The following DOCK4 variants were observed in gnomAD, a reference collection of about 807,000 sequenced individuals.
DOCK4 encodes dedicator of cytokinesis protein 4.
A neutral mutation model predicts 268.1 loss-of-function variants in DOCK4; 97 were observed. That is an observed-to-expected ratio of 0.36 (90% CI 0.31 to 0.43). The LOEUF (loss-of-function observed/expected upper bound fraction) is 0.43. Among genes scored for constraint, DOCK4 ranks in the 20% least tolerant of loss-of-function variants. The pLI, the probability that DOCK4 is intolerant of heterozygous loss-of-function variation, is 1.00. For synonymous variants in DOCK4, 954 were observed against 887.2 expected (o/e 1.08, Z -1.34); for missense variants, 2,145 against 2,455.7 (o/e 0.87, Z 2.67).
At chr7:111,954,863 C>T (rs191045951) in intron 8 of DOCK4, among the ~76,000 whole-genome samples, 3 of 152,188 alleles carry the variant, frequency 2.0e-5, no homozygotes, top group East Asian at 1.9e-4. Context: ...CAAAGAGCCT[C>T]GCACCAACCT....
chr7:111,949,931 C>G (rs1283767497), intron 8 of DOCK4, among the ~76,000 whole-genome samples: 1 of 151,914 alleles, frequency 6.6e-6, no homozygotes, highest in East Asian at 1.9e-4. Context: ...TCTTTTTTTT[C>G]CTTTCTTTCT....
At chr7:111,745,391 A>T (rs927328642) in intron 44 of DOCK4, among the ~76,000 whole-genome samples, 4 of 152,154 alleles carry the variant, frequency 2.6e-5, no homozygotes, top group Non-Finnish European at 5.9e-5. Context: ...TTGAGTGAAA[A>T]GTTGGCATCG....
intron 41 of DOCK4, among the ~76,000 whole-genome samples, chr7:111,757,380 C>T (rs766529139): frequency 6.6e-6 from 1 of 152,096 alleles, no homozygotes; most frequent in African/African-American, 2.4e-5. Flanking sequence ...TAGAAGGTGA[C>T]TTTGAACAAG....
rs575431722 is a variant in DOCK4, at chr7:111,971,860, G to A, written c.701+5272C>T. 256 of 267,096 alleles carry A rather than the reference G, an allele frequency of 9.6e-4. 1 individual carries two copies. Among genetic ancestry groups the A allele is most frequent in the African/African-American group, 5.7e-3 (248 of 43,342 alleles). The allele number at this position is 267,096 out of a possible 1,614,324, so 16.5% of individuals were successfully genotyped here. ...GGGGCCATTTCACAAAGCCAGGGAGGTCCCTTTTGGGCTGGATGTACTGTC... is the reference window on the plus strand; with the variant it reads ...GGGGCCATTTCACAAAGCCAGGGAGATCCCTTTTGGGCTGGATGTACTGTC... On this transcript the variant is annotated intron_variant, in intron 8 of 52. Coordinates refer to ENST00000428084, the MANE Select transcript of DOCK4 (RefSeq NM_001363540.2).
intron 1 of DOCK4, among the ~76,000 whole-genome samples, chr7:112,049,240 T>G (rs550758939): frequency 7.9e-5 from 12 of 152,286 alleles, no homozygotes; most frequent in African/African-American, 2.9e-4. Context: ...TGTACGACAG[T>G]ACCACAAAGG....
At chr7:112,029,160 C>T (rs528200783) in intron 1 of DOCK4, among the ~76,000 whole-genome samples, 1 of 152,124 alleles carries the variant, frequency 6.6e-6, no homozygotes, top group South Asian at 2.1e-4. Context: ...CCATCACTGG[C>T]GTCCACTGGA....
At chr7:111,970,383 T>C (rs948037003) in intron 8 of DOCK4, among the ~76,000 whole-genome samples, 8 of 152,164 alleles carry the variant, frequency 5.3e-5, no homozygotes, top group Non-Finnish European at 4.4e-5. Context: ...TGGATATTAG[T>C]AGTATCCACT....
chr7:112,162,563 C>T (rs1399275856), intron 1 of DOCK4, among the ~76,000 whole-genome samples: 1 of 151,924 alleles, frequency 6.6e-6, no homozygotes, highest in Non-Finnish European at 1.5e-5. Flanking sequence ...ACCCACACAC[C>T]CCACTCCCCT....
intron 1 of DOCK4, among the ~76,000 whole-genome samples, chr7:112,174,756 C>T (rs1487866483): frequency 3.9e-5 from 6 of 152,034 alleles, no homozygotes; most frequent in South Asian, 2.1e-4. Flanking sequence ...TAATACCATC[C>T]AATTTTAAGG....
chr7:111,927,895 T>C (rs1335500688), intron 12 of DOCK4, among the ~76,000 whole-genome samples: 2 of 152,144 alleles, frequency 1.3e-5, no homozygotes, highest in South Asian at 2.1e-4. Context: ...CCTCCGTATA[T>C]TGGATGAAAA....
intron 1 of DOCK4, among the ~76,000 whole-genome samples, chr7:112,196,046 G>C (rs1399043650): frequency 2.0e-5 from 3 of 152,098 alleles, no homozygotes; most frequent in African/African-American, 7.2e-5. Flanking sequence ...CCATGTTTTC[G>C]TTCATTGCTA....
intron 8 of DOCK4, among the ~76,000 whole-genome samples, chr7:111,946,271 C>T (rs1048888867): frequency 1.3e-5 from 2 of 152,122 alleles, no homozygotes; most frequent in African/African-American, 4.8e-5. Context: ...ATCTGTAACA[C>T]AAGTAGAGAT....
chr7:111,830,993 C>T, intron 26 of DOCK4, among the ~76,000 whole-genome samples: 1 of 152,020 alleles, frequency 6.6e-6, no homozygotes. Flanking sequence ...TCATACTCTA[C>T]ACTCTCCTTG....
intron 7 of DOCK4, among the ~76,000 whole-genome samples, chr7:111,982,565 C>T (rs1348304670): frequency 6.6e-6 from 1 of 151,876 alleles, no homozygotes; most frequent in Non-Finnish European, 1.5e-5. Flanking sequence ...TAATTATTTC[C>T]CTATTTAGTA....
At chr7:111,946,385 C>T (rs377489981) in intron 8 of DOCK4, among the ~76,000 whole-genome samples, 5 of 152,118 alleles carry the variant, frequency 3.3e-5, no homozygotes, top group Non-Finnish European at 7.4e-5. Context: ...CCGGGAGCTG[C>T]GGTGGCTCAG....
At position 111,944,825 on chromosome 7, in the gene DOCK4, T is replaced by A; in HGVS notation, c.830A>T (p.His277Leu). 6.2e-7 allele frequency: 1 copy of A among 1,613,950 alleles called. No individual in the cohort carries two copies. The highest frequency in any genetic ancestry group is 8.5e-7 in the Non-Finnish European group (1 of 1,179,846). Residue 277 changes from histidine (H) to leucine (L), a missense_variant, in exon 10 of 53, where the codon CAC (histidine) becomes CTC (leucine). Physicochemically the swap from His to Leu is moderately conservative, Grantham distance 99 (BLOSUM62 -3). Transcript: ENST00000428084. ...ELRKDIYITV[H>L]IIRIGRMGAG... ...GTTATACCTACCGATTCGGATAATG[T>A]GCACGGTGATATAAATGTCCTTTCT...
Position 111,802,532 on chromosome 7 carries a change from C to T in DOCK4, c.3166+6289G>A, listed in dbSNP as rs761327718. On this transcript the variant is annotated intron_variant, in intron 30 of 52. Coordinates refer to ENST00000428084, the MANE Select transcript of DOCK4 (RefSeq NM_001363540.2). ...AAATGAAACTGAATTTCCTGCCAGC[C>T]GGAATAGTTCTCCCATGCCTGAGCT... Among the ~76,000 whole-genome samples the T allele has an allele frequency of 3.9e-5, 6 of 152,152 alleles. No homozygotes were observed. The East Asian group carries it at 7.7e-4, about 20-fold the overall frequency.
intron 1 of DOCK4, among the ~76,000 whole-genome samples, chr7:112,053,627 T>C (rs1805559648): frequency 6.6e-6 from 1 of 152,230 alleles, no homozygotes; most frequent in South Asian, 2.1e-4. Flanking sequence ...ACTCAACTTA[T>C]AAAACATGAG....
At chr7:112,001,631 T>C (rs979583232) in intron 2 of DOCK4, among the ~76,000 whole-genome samples, 5 of 152,196 alleles carry the variant, frequency 3.3e-5, no homozygotes, top group South Asian at 2.1e-4. Context: ...AAAAATCATA[T>C]GCTGAGGTTG....
Sources: allele counts gnomAD v4.1 joint callset (sites outside exome capture counted in the v4.1 genomes callset), GRCh38; gene constraint gnomAD v4.1.1; transcripts MANE v1.5; gene names NCBI Gene and HGNC (gene_info 2026-07-23, HGNC 2026-07-21).